The following BRAF variants were observed in gnomAD, a reference collection of about 807,000 sequenced individuals.
BRAF encodes the protein serine/threonine-protein kinase B-raf.
Under a neutral mutation model 104.6 loss-of-function variants are expected in BRAF, and 16 were observed. The observed-to-expected ratio is 0.15, with a 90% CI of 0.10 to 0.23. The LOEUF is 0.23. Among genes scored for constraint, BRAF ranks in the 10% least tolerant of loss-of-function variants. The pLI is 1.00. For synonymous variants in BRAF, 310 were observed against 341.6 expected (o/e 0.91, Z 1.02); for missense variants, 541 against 937.3 (o/e 0.58, Z 5.52).
At position 140,759,340 on chromosome 7, in the gene BRAF, G is replaced by C. The variant is rs987037807; in HGVS notation, c.1815-5107C>G. 1.8e-4 allele frequency among the ~76,000 whole-genome samples: 28 copies of C among 152,190 alleles called. 1 individual carries two copies. Among genetic ancestry groups the C allele is most frequent in the Admixed American group, 1.7e-3 (26 of 15,276 alleles). Reference sequence around the variant, plus strand: ...TTACCAGCAATGTATGAGAGTTCCAGTTGTTCTTTATCCTTGATAATACTT... The same window carrying C: ...TTACCAGCAATGTATGAGAGTTCCACTTGTTCTTTATCCTTGATAATACTT... On this transcript the variant is annotated intron_variant, in intron 14 of 19. Coordinates refer to ENST00000644969, the MANE Select transcript of BRAF (RefSeq NM_001374258.1).
chr7:140,786,860 G>T (rs1038127769), intron 9 of BRAF, among the ~76,000 whole-genome samples: 2 of 152,174 alleles, frequency 1.3e-5, no homozygotes, highest in Non-Finnish European at 2.9e-5. Flanking sequence ...TTTCAAGATG[G>T]TTAGAAATTA....
intron 14 of BRAF, among the ~76,000 whole-genome samples, chr7:140,776,216 C>A (rs1317552274): frequency 6.6e-6 from 1 of 152,124 alleles, no homozygotes; most frequent in Non-Finnish European, 1.5e-5. Flanking sequence ...AAATTCAGAT[C>A]ATATCTATTT....
chr7:140,743,086 A>G (rs1415416314), intron 17 of BRAF, among the ~76,000 whole-genome samples: 3 of 152,152 alleles, frequency 2.0e-5, no homozygotes, highest in African/African-American at 7.2e-5. Context: ...GGTGCTGGAG[A>G]GGATGTGGAG....
Position 140,724,543 on chromosome 7 carries a change from T to C in BRAF, c.*1951A>G. On this transcript the variant is annotated 3_prime_UTR_variant, in exon 20 of 20. Coordinates refer to ENST00000644969, the MANE Select transcript of BRAF (RefSeq NM_001374258.1). ...CAAATTTGCTTTTCAAACTGATTAA[T>C]AACTTAAGGATCTTTTCCATTTTAC... 4.8e-6 allele frequency: 5 copies of C among 1,043,818 alleles called. No homozygotes were observed. The highest frequency in any genetic ancestry group is 5.8e-6 in the Non-Finnish European group (5 of 865,694). 64.7% of individuals were successfully genotyped at this position (1,043,818 alleles called of 1,614,324 possible).
chr7:140,917,329 G>A (rs1202560190), intron 1 of BRAF, among the ~76,000 whole-genome samples: 1 of 152,200 alleles, frequency 6.6e-6, no homozygotes, highest in Non-Finnish European at 1.5e-5. Flanking sequence ...CCAAAGTGCT[G>A]AAATTACAGG....
intron 14 of BRAF, among the ~76,000 whole-genome samples, chr7:140,761,290 G>C (rs1227215329): frequency 6.6e-6 from 1 of 152,044 alleles, no homozygotes; most frequent in African/African-American, 2.4e-5. Flanking sequence ...GCCAAACTAA[G>C]CTTCATAAGT....
Position 140,723,392 on chromosome 7 carries a change from A to C in BRAF, c.*3102T>G. 1 of 1,054,204 alleles carries C rather than the reference A, an allele frequency of 9.5e-7. No homozygotes were observed. The highest frequency in any genetic ancestry group is 1.1e-6 in the Non-Finnish European group (1 of 872,480). The allele number at this position is 1,054,204 out of a possible 1,614,324, so 65.3% of individuals were successfully genotyped here. On this transcript the variant is annotated 3_prime_UTR_variant, in exon 20 of 20. Coordinates refer to ENST00000644969, the MANE Select transcript of BRAF (RefSeq NM_001374258.1). ...CATAAATATAGCATATATCATTTGT[A>C]TGGGATTTTATCTTCTAAAATGCCC...
At chr7:140,796,665 T>C (rs891493435) in intron 7 of BRAF, among the ~76,000 whole-genome samples, 2 of 152,230 alleles carry the variant, frequency 1.3e-5, no homozygotes, top group African/African-American at 2.4e-5. Flanking sequence ...AATTTGGTAG[T>C]TGGTATCTAA....
chr7:140,886,246 C>T (rs1253591161), intron 1 of BRAF, among the ~76,000 whole-genome samples: 1 of 152,200 alleles, frequency 6.6e-6, no homozygotes, highest in African/African-American at 2.4e-5. Flanking sequence ...ATCATCCTTT[C>T]TCTCTGACCT....
intron 1 of BRAF, among the ~76,000 whole-genome samples, chr7:140,883,265 C>G (rs909928189): frequency 2.0e-5 from 3 of 152,114 alleles, no homozygotes; most frequent in African/African-American, 7.2e-5. Flanking sequence ...TCTTATCTTA[C>G]TGGATCCTAT....
At chr7:140,809,873 GA>G (rs1226522494) in intron 3 of BRAF, among the ~76,000 whole-genome samples, 4 of 148,486 alleles carry the variant, frequency 2.7e-5, no homozygotes, top group East Asian at 1.9e-4. Flanking sequence ...AAGGGAAAGG[GA>G]AAAAAAAAGT....
chr7:140,818,947 A>C (rs1373337621), intron 3 of BRAF, among the ~76,000 whole-genome samples: 1 of 152,202 alleles, frequency 6.6e-6, no homozygotes, highest in African/African-American at 2.4e-5. Context: ...ACTTAAAAAC[A>C]AAGAAGATAC....
intron 7 of BRAF, chr7:140,799,545 C>T (rs944454529): frequency 2.6e-5 from 6 of 232,038 alleles, no homozygotes; most frequent in African/African-American, 1.1e-4. Flanking sequence ...ATCTTCATTC[C>T]CTTTATATCT....
intron 1 of BRAF, among the ~76,000 whole-genome samples, chr7:140,885,079 T>C (rs1455855434): frequency 6.6e-6 from 1 of 152,044 alleles, no homozygotes; most frequent in Non-Finnish European, 1.5e-5. Flanking sequence ...TCAGCTCACT[T>C]CAACCTTGGC....
intron 3 of BRAF, among the ~76,000 whole-genome samples, chr7:140,828,906 A>T (rs1412878555): frequency 1.3e-5 from 2 of 152,132 alleles, no homozygotes; most frequent in Admixed American, 6.5e-5. Flanking sequence ...TGCCAATAAT[A>T]ATTTATATTT....
chr7:140,804,603 G>T (rs921297156), intron 5 of BRAF, among the ~76,000 whole-genome samples: 1 of 152,038 alleles, frequency 6.6e-6, no homozygotes, highest in African/African-American at 2.4e-5. Flanking sequence ...GATTACAGGC[G>T]TGAGCCACTG....
chr7:140,824,558 A>C (rs907275578), intron 3 of BRAF, among the ~76,000 whole-genome samples: 1 of 151,900 alleles, frequency 6.6e-6, no homozygotes, highest in Non-Finnish European at 1.5e-5. Context: ...AGGAAGCATG[A>C]TGCCCCCAAC....
chr7:140,846,752 G>A (rs926525417), intron 2 of BRAF, among the ~76,000 whole-genome samples: 1 of 152,088 alleles, frequency 6.6e-6, no homozygotes, highest in Non-Finnish European at 1.5e-5. Context: ...CCTGCAGAAC[G>A]GTGGGTCTCA....
chr7:140,753,176 T>G, intron 16 of BRAF, 99 bp downstream of exon 15: 2 of 877,744 alleles, frequency 2.3e-6, no homozygotes, highest in Non-Finnish European at 3.9e-6. Context: ...CTGGGAACTA[T>G]GAAAATACTA....
Sources: allele counts gnomAD v4.1 joint callset (sites outside exome capture counted in the v4.1 genomes callset), GRCh38; gene constraint gnomAD v4.1.1; transcripts MANE v1.5; gene names NCBI Gene and HGNC (gene_info 2026-07-23, HGNC 2026-07-21).